PROS1: variants seen among roughly 807,000 people sequenced by gnomAD.
The protein encoded by PROS1 is vitamin K-dependent protein S.
In PROS1, 29 loss-of-function variants were observed where a neutral mutation model predicts 75.9. That is an observed-to-expected ratio of 0.38 (90% CI 0.28 to 0.52). PROS1 has a LOEUF of 0.52. Ranked by LOEUF, PROS1 falls within the 20% of genes least tolerant of loss-of-function variation. PROS1 has a pLI of 0.83. For missense variants in PROS1, 680 were observed against 810.3 expected, an observed-to-expected ratio of 0.84 and a Z score of 1.95; for synonymous variants, 245 against 280.6, an observed-to-expected ratio of 0.87 and a Z score of 1.27.
chr3:93,887,741 T>G lies in PROS1; in HGVS notation c.1156-1238A>C, dbSNP rs544681031. ...CTCTTTCTACACTCTAACCACTACTTCTCAGTCTCCTTTGCTGGATCCTCC... is the reference window on the plus strand; with the variant it reads ...CTCTTTCTACACTCTAACCACTACTGCTCAGTCTCCTTTGCTGGATCCTCC... On this transcript the variant is annotated intron_variant, in intron 10 of 14. Coordinates refer to ENST00000394236, the MANE Select transcript of PROS1 (RefSeq NM_000313.4). Among the ~76,000 whole-genome samples, 3 of 152,300 alleles carry G rather than the reference T, an allele frequency of 2.0e-5. No homozygotes were observed. The South Asian group carries it at 6.2e-4, about 32-fold the overall frequency.
At chr3:93,880,062 A>G (rs564943534) in intron 12 of PROS1, among the ~76,000 whole-genome samples, 98 of 152,310 alleles carry the variant, frequency 6.4e-4, no homozygotes, top group African/African-American at 2.3e-3. Flanking sequence ...CTCATTTAAT[A>G]TGATGTAACA....
rs145711536 is a variant in PROS1, at chr3:93,876,989, G to A, written c.1847C>T (p.Ala616Val). ...VLDKAMKAKVATYLGGLPDVP... is the reference protein window; with the variant it reads ...VLDKAMKAKVVTYLGGLPDVP... Reference sequence around the variant, plus strand: ...ACCTGGAAGGCCACCCAGGTATGTGGCCACTTTTGCTTTCATTGCTTTGTC... The same window carrying A: ...ACCTGGAAGGCCACCCAGGTATGTGACCACTTTTGCTTTCATTGCTTTGTC... The change falls in exon 14 of 15, where the codon GCC becomes GTC. Residue 616 changes from alanine to valine, a missense_variant. Ala to Val is a moderately conservative substitution (Grantham distance 64). Transcript: ENST00000394236. The A allele has an allele frequency of 2.4e-5, 39 of 1,611,372 alleles. No homozygotes were observed. The highest frequency in any genetic ancestry group is 2.3e-4 in the African/African-American group (17 of 74,974).
chr3:93,950,432 C>A (rs970171041), intron 1 of PROS1, among the ~76,000 whole-genome samples: 2 of 152,182 alleles, frequency 1.3e-5, no homozygotes, highest in African/African-American at 4.8e-5. Context: ...AGACATCTCC[C>A]AGTAGTGGCC....
chr3:93,943,989 C>T (rs559107864), intron 1 of PROS1, among the ~76,000 whole-genome samples: 1 of 152,330 alleles, frequency 6.6e-6, no homozygotes, highest in African/African-American at 2.4e-5. Context: ...TTGAACTCAG[C>T]CTGCCTGCAC....
chr3:93,898,944 A>T (rs1251833453), intron 7 of PROS1, among the ~76,000 whole-genome samples: 1 of 152,062 alleles, frequency 6.6e-6, no homozygotes, highest in Non-Finnish European at 1.5e-5. Context: ...ATTGCTTTGA[A>T]AAAAAGAAAA....
intron 1 of PROS1, among the ~76,000 whole-genome samples, chr3:93,945,215 T>C (rs1709365752): frequency 6.6e-6 from 1 of 152,184 alleles, no homozygotes; most frequent in Non-Finnish European, 1.5e-5. Flanking sequence ...ACAGATGAAT[T>C]CTACCAGAGA....
chr3:93,946,601 A>C (rs1360943066), intron 1 of PROS1, among the ~76,000 whole-genome samples: 2 of 152,200 alleles, frequency 1.3e-5, no homozygotes, highest in Non-Finnish European at 2.9e-5. Flanking sequence ...CTGGCTACTC[A>C]TATGTAGAAA....
chr3:93,938,368 C>T (rs1576204501), intron 1 of PROS1, among the ~76,000 whole-genome samples: 1 of 152,148 alleles, frequency 6.6e-6, no homozygotes. Flanking sequence ...AGCCCGCTGG[C>T]ACCCAGGTGA....
rs1189691727 is a variant in PROS1 at position 93,888,857 on chromosome 3, G to T, written c.1156-2354C>A. 2.0e-5 allele frequency among the ~76,000 whole-genome samples: 3 copies of T among 152,026 alleles called. No homozygotes were observed. The East Asian group carries it at 5.8e-4, about 29-fold the overall frequency. On this transcript the variant is annotated intron_variant, in intron 10 of 14. Transcript: ENST00000394236. ...TCTTTTAAAATGCAAACTAGATCAT[G>T]TCCCTTCTCAAAACCATCCAGGGCC...
chr3:93,946,788 A>T (rs1381013723), intron 1 of PROS1, among the ~76,000 whole-genome samples: 2 of 151,944 alleles, frequency 1.3e-5, no homozygotes, highest in African/African-American at 4.8e-5. Context: ...GTGGCAACAA[A>T]AGCCAAAATT....
At chr3:93,934,578 A>T (rs745665784) in intron 1 of PROS1, among the ~76,000 whole-genome samples, 3 of 152,244 alleles carry the variant, frequency 2.0e-5, no homozygotes, top group Non-Finnish European at 2.9e-5. Flanking sequence ...GGACTGAACA[A>T]ATACTGACTG....
In PROS1 at chr3:93,886,503, C is replaced by T; in HGVS notation, c.1156G>A (p.Val386Met). Residue 386 changes from valine (V) to methionine (M), a missense_variant and splice_region_variant, in exon 11 of 15, where the codon GTG becomes ATG. Transcript: ENST00000394236. ...CTATGTTCTAATTCTTCCACAGACA[C>T]CTACAATTAAAAAGAAAAATTACCA... ...DVINNGLWNM[V>M]SVEELEHSIS... 3.7e-6 allele frequency: 6 copies of T among 1,604,240 alleles called. No homozygotes were observed. The highest frequency in any genetic ancestry group is 5.1e-6 in the Non-Finnish European group (6 of 1,171,432).
At chr3:93,959,880 T>G (rs1189076710) in intron 1 of PROS1, among the ~76,000 whole-genome samples, 3 of 152,232 alleles carry the variant, frequency 2.0e-5, no homozygotes, top group Non-Finnish European at 4.4e-5. Context: ...GCTACATTAA[T>G]AGCCAACTCA....
chr3:93,960,828 T>C (rs1709695333), intron 1 of PROS1, among the ~76,000 whole-genome samples: 1 of 151,876 alleles, frequency 6.6e-6, no homozygotes, highest in Non-Finnish European at 1.5e-5. Flanking sequence ...CTTGTTTCTT[T>C]GTTAATAATA....
chr3:93,917,863 C>T (rs989045135), intron 3 of PROS1, among the ~76,000 whole-genome samples: 52 of 152,278 alleles, frequency 3.4e-4, no homozygotes, highest in African/African-American at 1.3e-3. Flanking sequence ...ATGCCTGAGC[C>T]TCCCCCGCCT....
At chr3:93,947,664 T>G (rs2107237062) in intron 1 of PROS1, among the ~76,000 whole-genome samples, 1 of 152,220 alleles carries the variant, frequency 6.6e-6, no homozygotes, top group East Asian at 1.9e-4. Context: ...CCGCCCAGGT[T>G]CACACCATTC....
chr3:93,965,824 A>G (rs1709780186), intron 1 of PROS1, among the ~76,000 whole-genome samples: 1 of 152,158 alleles, frequency 6.6e-6, no homozygotes, highest in African/African-American at 2.4e-5. Flanking sequence ...CCTCCTGAGT[A>G]GCTGGAATTA....
chr3:93,898,547 G>C lies in PROS1; in HGVS notation c.750C>G (p.Asn250Lys). Reference sequence around the variant, plus strand: ...AATTGACACAAAGCTGAGCACACATGTTCTCAGAGCATTCATCTATATCTG... The same window carrying C: ...AATTGACACAAAGCTGAGCACACATCTTCTCAGAGCATTCATCTATATCTG... The part of the protein sequence containing the change: ...SCEDIDECSE[N>K]MCAQLCVNYP... The change falls in exon 8 of 15, where the codon AAC (asparagine) becomes AAG (lysine). Residue 250 changes from asparagine to lysine, a missense_variant. Asn to Lys is a moderately conservative substitution (Grantham distance 94). Coordinates refer to ENST00000394236, the MANE Select transcript of PROS1 (RefSeq NM_000313.4). 6.2e-7 allele frequency: 1 copy of C among 1,612,478 alleles called. No individual in the cohort carries two copies.
intron 1 of PROS1, among the ~76,000 whole-genome samples, chr3:93,966,436 A>G (rs1212168741): frequency 6.6e-6 from 1 of 152,332 alleles, no homozygotes; most frequent in East Asian, 1.9e-4. Context: ...GACCTACTTA[A>G]TGACCATCAG....
Sources: allele counts gnomAD v4.1 joint callset (sites outside exome capture counted in the v4.1 genomes callset), GRCh38; gene constraint gnomAD v4.1.1; transcripts MANE v1.5; gene names NCBI Gene and HGNC (gene_info 2026-07-23, HGNC 2026-07-21).